CDH6: variants seen among roughly 807,000 people sequenced by gnomAD.
CDH6 encodes the protein cadherin-6.
CDH6 carries 31 observed loss-of-function variants against 78.0 expected under a neutral mutation model. The observed-to-expected ratio is 0.40, with a 90% CI of 0.30 to 0.54. CDH6 has a LOEUF of 0.54. CDH6 is among the 20% of genes least tolerant of loss of function. CDH6 has a pLI of 0.56. For synonymous variants in CDH6, 376 were observed against 368.8 expected (o/e 1.02, Z -0.23); for missense variants, 724 against 975.9 (o/e 0.74, Z 3.44).
At chr5:31,249,994 T>C (rs1678152615) in intron 1 of CDH6, 1 of 152,212 alleles carries the variant, frequency 6.6e-6, no homozygotes, top group Non-Finnish European at 1.5e-5. Flanking sequence ...ACCAGAGAAA[T>C]TGGCACTCCA....
In CDH6 at chr5:31,317,561, G is replaced by GTGTATA. The variant is rs1449063864; in HGVS notation, c.1630+80_1630+85dup. The GTGTATA allele has an allele frequency of 3.2e-4, 484 of 1,498,846 alleles. No homozygotes were observed. The Middle Eastern group carries it at 7.5e-3, about 23-fold the overall frequency. The allele number at this position is 1,498,846 out of a possible 1,614,324, so 92.8% of individuals were successfully genotyped here. A position where few individuals can be genotyped will look rare whatever the true frequency, so the allele number is the denominator to read the frequency against. On this transcript the variant is annotated intron_variant, in intron 10 of 11. Coordinates refer to ENST00000265071, the MANE Select transcript of CDH6 (RefSeq NM_004932.4). ...TCCGTAACTGTTTCTGTATGTATAT[G>GTGTATA]TGTATATGTATATGTACATATCTGT...
chr5:31,328,922 T>C lies in CDH6; in HGVS notation c.*5614T>C. On this transcript the variant is annotated 3_prime_UTR_variant, in exon 12 of 12. Transcript: ENST00000265071. ...GTTAGAAGAATGGGGTCGAGAGTAT[T>C]ACCTTTTAGCTCAGTGTGGCCGGGC... 1 of 221,044 alleles carries C rather than the reference T, an allele frequency of 4.5e-6. No homozygotes were observed. Among genetic ancestry groups the C allele is most frequent in the Non-Finnish European group, 9.1e-6 (1 of 110,318 alleles). The allele number at this position is 221,044 out of a possible 1,614,324, so 13.7% of individuals were successfully genotyped here. A position where few individuals can be genotyped will look rare whatever the true frequency, so the allele number is the denominator to read the frequency against.
chr5:31,266,427 A>G (rs1162206989), intron 1 of CDH6, among the ~76,000 whole-genome samples: 1 of 152,196 alleles, frequency 6.6e-6, no homozygotes, highest in Non-Finnish European at 1.5e-5. Flanking sequence ...GTGCAACTGT[A>G]ATTTTTGTTA....
intron 1 of CDH6, among the ~76,000 whole-genome samples, chr5:31,239,580 G>T (rs1741542686): frequency 6.6e-6 from 1 of 152,210 alleles, no homozygotes; most frequent in Non-Finnish European, 1.5e-5. Flanking sequence ...ATTTACAAAT[G>T]AGTGGCTAAT....
rs78277776 is a variant in CDH6 at position 31,314,518 on chromosome 5, G to A, written c.1390+1064G>A. Reference sequence around the variant, plus strand: ...ACTCATGAGATTTGAAGTGACTAAAGGATATTTGGTAGAATAGTAACCAAT... The same window carrying A: ...ACTCATGAGATTTGAAGTGACTAAAAGATATTTGGTAGAATAGTAACCAAT... On this transcript the variant is annotated intron_variant, in intron 8 of 11. Transcript: ENST00000265071. 8.7e-3 allele frequency among the ~76,000 whole-genome samples: 1,326 copies of A among 151,780 alleles called. 21 individuals carry two copies. The highest frequency in any genetic ancestry group is 0.03 in the African/African-American group (1,255 of 41,384).
chr5:31,266,373 T>C (rs1742355223), intron 1 of CDH6, among the ~76,000 whole-genome samples: 1 of 152,208 alleles, frequency 6.6e-6, no homozygotes, highest in African/African-American at 2.4e-5. Flanking sequence ...CCCTCACTGG[T>C]ACTTAGATAT....
At chr5:31,232,217 T>C (rs918804262) in intron 1 of CDH6, among the ~76,000 whole-genome samples, 37 of 152,248 alleles carry the variant, frequency 2.4e-4, no homozygotes, top group African/African-American at 8.9e-4. Context: ...CACTTTATGC[T>C]AATTCCTGTG....
intron 1 of CDH6, among the ~76,000 whole-genome samples, chr5:31,221,198 C>T (rs1740996686): frequency 6.6e-6 from 1 of 152,214 alleles, no homozygotes; most frequent in African/African-American, 2.4e-5. Context: ...CCCAGTCACT[C>T]ACTCACCAGT....
chr5:31,208,850 G>C (rs1303374710), intron 1 of CDH6, among the ~76,000 whole-genome samples: 1 of 152,164 alleles, frequency 6.6e-6, no homozygotes, highest in Non-Finnish European at 1.5e-5. Context: ...TTGTAACCTT[G>C]AACATGGCTG....
At chr5:31,234,509 A>G (rs1741399245) in intron 1 of CDH6, among the ~76,000 whole-genome samples, 1 of 152,164 alleles carries the variant, frequency 6.6e-6, no homozygotes, top group South Asian at 2.1e-4. Flanking sequence ...CATTTTCCTC[A>G]TACTTGCCAT....
In CDH6 at chr5:31,282,154, C is replaced by T. The variant is rs150061232; in HGVS notation, c.229-11808C>T. On this transcript the variant is annotated intron_variant, in intron 2 of 11. Coordinates refer to ENST00000265071, the MANE Select transcript of CDH6 (RefSeq NM_004932.4). ...TTCTTGTTGCTGCTGTAACAAGTCA[C>T]CACAGATTTGTGGCTTAACACAATA... 4.6e-5 allele frequency among the ~76,000 whole-genome samples: 7 copies of T among 152,268 alleles called. No homozygotes were observed. The East Asian group carries it at 1.2e-3, about 25-fold the overall frequency.
chr5:31,299,319 T>G (rs1737692314), intron 4 of CDH6, 145 bp from the exon 5 acceptor site: 1 of 605,434 alleles, frequency 1.7e-6, no homozygotes, highest in African/African-American at 1.8e-5. Flanking sequence ...GTATAAAGGC[T>G]GCATATAATT....
chr5:31,235,320 A>C (rs938562520), intron 1 of CDH6, among the ~76,000 whole-genome samples: 3 of 143,200 alleles, frequency 2.1e-5, no homozygotes, highest in Non-Finnish European at 4.5e-5. Context: ...AATCCATTAC[A>C]TCAGAGGCAA....
intron 1 of CDH6, among the ~76,000 whole-genome samples, chr5:31,206,206 G>T (rs1054219965): frequency 6.6e-6 from 1 of 152,042 alleles, no homozygotes; most frequent in Non-Finnish European, 1.5e-5. Flanking sequence ...TGGATACATA[G>T]AAAATAGACA....
At chr5:31,228,756 T>C (rs1203231223) in intron 1 of CDH6, among the ~76,000 whole-genome samples, 1 of 152,194 alleles carries the variant, frequency 6.6e-6, no homozygotes, top group Admixed American at 6.5e-5. Flanking sequence ...ATGCCTCTAA[T>C]ACAGGAGGCG....
At chr5:31,236,896 T>A (rs1741468355) in intron 1 of CDH6, among the ~76,000 whole-genome samples, 1 of 152,194 alleles carries the variant, frequency 6.6e-6, no homozygotes, top group South Asian at 2.1e-4. Context: ...CGATGTGATT[T>A]CAGATGCTTG....
intron 1 of CDH6, among the ~76,000 whole-genome samples, chr5:31,233,850 C>T (rs1247761556): frequency 6.6e-6 from 1 of 152,186 alleles, no homozygotes; most frequent in Non-Finnish European, 1.5e-5. Context: ...ATAGGCCTCA[C>T]CAATGATTCA....
At chr5:31,214,634 G>A (rs1261173036) in intron 1 of CDH6, among the ~76,000 whole-genome samples, 2 of 152,172 alleles carry the variant, frequency 1.3e-5, no homozygotes, top group Non-Finnish European at 2.9e-5. Flanking sequence ...TTTGGCAATG[G>A]AACTACATTT....
At chr5:31,321,963 C>G (rs576862830) in intron 11 of CDH6, among the ~76,000 whole-genome samples, 10 of 152,240 alleles carry the variant, frequency 6.6e-5, no homozygotes, top group African/African-American at 2.4e-4. Context: ...TCCACCCAGC[C>G]AGCTGTGAAG....
Sources: gnomAD v4.1 joint callset for allele counts (sites outside exome capture counted in the v4.1 genomes callset) on GRCh38, gnomAD v4.1.1 for gene constraint, MANE v1.5 for transcripts, NCBI Gene and HGNC (gene_info 2026-07-23, HGNC 2026-07-21) for gene names.